CLPSL2: variants seen among roughly 807,000 people sequenced by gnomAD.
CLPSL2 encodes the protein colipase like 2.
A neutral mutation model predicts 7.9 loss-of-function variants in CLPSL2; 4 were observed. The observed-to-expected ratio is 0.50, with a 90% confidence interval of 0.25 to 1.15. The LOEUF is 1.15. CLPSL2 is among the 50% of genes most tolerant of loss of function. The probability of loss-of-function intolerance (pLI) is 0.15; values close to 1 mark genes in which losing one functional copy is unlikely to be tolerated. For synonymous variants in CLPSL2, 67 were observed against 53.1 expected (o/e 1.26, Z -1.14); for missense variants, 132 against 136.6 (o/e 0.97, Z 0.17).
intron 1 of CLPSL2, 82 bp downstream of exon 1, chr6:35,776,784 C>T: frequency 1.6e-6 from 2 of 1,249,708 alleles, no homozygotes; most frequent in Non-Finnish European, 2.1e-6. Context: ...CCGAAGGCGC[C>T]GGGCAGCCTG....
At chr6:35,779,176 G>A (rs1767910085) in intron 2 of CLPSL2, among the ~76,000 whole-genome samples, 179 bp from the exon 3 acceptor site, 1 of 152,144 alleles carries the variant, frequency 6.6e-6, no homozygotes, top group African/African-American at 2.4e-5. Context: ...TGACAGATGA[G>A]GAAACCGAGC....
Position 35,776,931 on chromosome 6 carries a change from C to T in CLPSL2, c.84+229C>T, listed in dbSNP as rs565799601. 9.4e-5 allele frequency: 41 copies of T among 435,248 alleles called. No individual in the cohort carries two copies. The South Asian group carries it at 1.2e-3, about 12-fold the overall frequency. The allele number at this position is 435,248 out of a possible 1,614,324, so 27.0% of individuals were successfully genotyped here. A position where few individuals can be genotyped will look rare whatever the true frequency, so the allele number is the denominator to read the frequency against. ...TGGCCTATGACCAGCACCCTCGCTC[C>T]CTCCACCTCCCCCGCCCGTGCCCCT... On this transcript the variant is annotated intron_variant, in intron 1 of 2. Coordinates refer to ENST00000403376, the MANE Select transcript of CLPSL2 (RefSeq NM_207409.4).
At chr6:35,778,728 G>A (rs916851631) in intron 2 of CLPSL2, among the ~76,000 whole-genome samples, 7 of 152,222 alleles carry the variant, frequency 4.6e-5, no homozygotes, top group Admixed American at 4.6e-4. Flanking sequence ...AGTTGCCAAT[G>A]CCCTAAGGAA....
At chr6:35,777,987 G>A (rs142385981) in intron 2 of CLPSL2, 10 of 696,950 alleles carry the variant, frequency 1.4e-5, no homozygotes, top group Non-Finnish European at 2.1e-5. Context: ...ATGGAGTCTC[G>A]CTCTGTCACC....
chr6:35,777,382 G>A (rs1278226122), intron 1 of CLPSL2, 77 bp from the exon 2 acceptor site: 74 of 1,516,188 alleles, frequency 4.9e-5, no homozygotes, highest in Non-Finnish European at 6.5e-5. Flanking sequence ...TTTGGCAATG[G>A]TGGGAACCCT....
intron 2 of CLPSL2, 173 bp downstream of exon 2, chr6:35,777,754 A>G: frequency 1.3e-6 from 1 of 765,308 alleles, no homozygotes; most frequent in Non-Finnish European, 2.3e-6. Context: ...CTCCTCTGAG[A>G]AGGCTTCCCT....
chr6:35,779,356 C>A lies in CLPSL2; in HGVS notation c.209C>A (p.Thr70Asn), dbSNP rs537453167. 4.5e-6 allele frequency: 7 copies of A among 1,563,376 alleles called. No homozygotes were observed. In the African/African-American group the frequency reaches 9.5e-5, roughly 21 times the overall value. ...ARITMICLPQ[T>N]KGATNIICPC... ...GATTCTCATACCCACTCCCTGCAGA[C>A]CAAGGGAGCTACCAACATCATCTGC... is the stretch of plus-strand genomic sequence containing the variant. The change falls in exon 3 of 3, where the codon ACC becomes AAC. Residue 70 changes from threonine to asparagine, a missense_variant and splice_region_variant. Coordinates refer to ENST00000403376, the MANE Select transcript of CLPSL2 (RefSeq NM_207409.4).
intron 2 of CLPSL2, 50 bp downstream of exon 2, chr6:35,777,631 G>A (rs949728879): frequency 5.8e-6 from 9 of 1,554,008 alleles, no homozygotes; most frequent in African/African-American, 1.4e-5. Context: ...AGCGGGCAGG[G>A]AGGTTAAAAA....
rs1330315377 is a variant in CLPSL2 at position 35,779,237 on chromosome 6, A to G, written c.208-118A>G. 9 of 732,982 alleles carry G rather than the reference A, an allele frequency of 1.2e-5. No individual in the cohort carries two copies. In the South Asian group the frequency reaches 1.3e-4, roughly 11 times the overall value. The allele number at this position is 732,982 out of a possible 1,614,324, so 45.4% of individuals were successfully genotyped here. ...GGTCACGCAGTTATAAGCTGTAGAG[A>G]CAGCCCAGGTCTGTCTTACTCCAGG... On this transcript the variant is annotated intron_variant, in intron 2 of 2. Transcript: ENST00000403376.
intron 2 of CLPSL2, 61 bp from the exon 3 acceptor site, chr6:35,779,293 GT>G: frequency 7.1e-7 from 1 of 1,405,928 alleles, no homozygotes. Flanking sequence ...TCCCCAAGAA[GT>G]TTAAGTCCCC....
chr6:35,777,091 C>G (rs1042044043), intron 1 of CLPSL2, among the ~76,000 whole-genome samples: 6 of 152,094 alleles, frequency 3.9e-5, no homozygotes, highest in African/African-American at 1.4e-4. Flanking sequence ...CACGAGGGCT[C>G]TCCCCTTTTC....
chr6:35,777,313 G>GC (rs201416939), intron 1 of CLPSL2, 146 bp from the exon 2 acceptor site: 2 of 827,970 alleles, frequency 2.4e-6, no homozygotes, highest in Non-Finnish European at 3.8e-6. Context: ...TGGGGCTGGG[G>GC]GGGGAACCAG....
chr6:35,778,571 A>G (rs1028935810), intron 2 of CLPSL2, among the ~76,000 whole-genome samples: 8 of 152,234 alleles, frequency 5.3e-5, no homozygotes, highest in Non-Finnish European at 1.0e-4. Flanking sequence ...GGTCCTGGCA[A>G]GGAGAGTGTG....
At chr6:35,777,912 G>A in intron 2 of CLPSL2, 1 of 717,426 alleles carries the variant, frequency 1.4e-6, no homozygotes. Flanking sequence ...CCTACCCCCA[G>A]CTTAGTATCT....
chr6:35,776,917 C>A, intron 1 of CLPSL2: 1 of 435,570 alleles, frequency 2.3e-6, no homozygotes, highest in East Asian at 3.8e-5. Flanking sequence ...GGCCTATGAC[C>A]AGCACCCTCG....
chr6:35,777,629 G>T, intron 2 of CLPSL2, 48 bp downstream of exon 2: 1 of 1,557,700 alleles, frequency 6.4e-7, no homozygotes, highest in South Asian at 1.2e-5. Context: ...GAAGCGGGCA[G>T]GGAGGTTAAA....
intron 2 of CLPSL2, among the ~76,000 whole-genome samples, chr6:35,778,415 A>T (rs1228788979): frequency 6.6e-6 from 1 of 152,210 alleles, no homozygotes; most frequent in East Asian, 1.9e-4. Flanking sequence ...ACAGCTTTGC[A>T]GTTGGACCTG....
chr6:35,779,037 G>C (rs577157706), intron 2 of CLPSL2, among the ~76,000 whole-genome samples: 1 of 152,110 alleles, frequency 6.6e-6, no homozygotes, highest in African/African-American at 2.4e-5. Flanking sequence ...CTTCCAAAGC[G>C]CTGGGATTAC....
At chr6:35,779,120 T>C (rs541831318) in intron 2 of CLPSL2, among the ~76,000 whole-genome samples, 1 of 152,222 alleles carries the variant, frequency 6.6e-6, no homozygotes, top group South Asian at 2.1e-4. Flanking sequence ...TCTCATTTAG[T>C]CCTCACAACA....
Sources: gnomAD v4.1 joint callset for allele counts (sites outside exome capture counted in the v4.1 genomes callset) on GRCh38, gnomAD v4.1.1 for gene constraint, MANE v1.5 for transcripts, NCBI Gene and HGNC (gene_info 2026-07-23, HGNC 2026-07-21) for gene names.